Variants in CAMK4 observed in about 807,000 individuals in gnomAD.
CAMK4 encodes calcium/calmodulin dependent protein kinase IV, also known as calcium/calmodulin-dependent protein kinase type IV.
In CAMK4, 22 loss-of-function variants were observed where a neutral mutation model predicts 44.9. The observed-to-expected ratio is 0.49, with a 90% CI of 0.35 to 0.70. CAMK4 has a LOEUF of 0.70. Among genes scored for constraint, CAMK4 ranks in the 30% least tolerant of loss-of-function variants. The probability of loss-of-function intolerance (pLI) is 0.01; values close to 1 mark genes in which losing one functional copy is unlikely to be tolerated. For missense variants in CAMK4, 498 were observed against 586.8 expected, an observed-to-expected ratio of 0.85 and a Z score of 1.56; for synonymous variants, 218 against 215.4, an observed-to-expected ratio of 1.01 and a Z score of -0.11.
intron 5 of CAMK4, among the ~76,000 whole-genome samples, chr5:111,423,981 A>C (rs1471063234): frequency 2.0e-5 from 3 of 152,234 alleles, no homozygotes; most frequent in Non-Finnish European, 4.4e-5. Context: ...GAGGTTAAGT[A>C]ACTTTTCCAA....
intron 1 of CAMK4, among the ~76,000 whole-genome samples, chr5:111,341,747 A>T (rs1162571440): frequency 6.6e-6 from 1 of 151,246 alleles, no homozygotes; most frequent in Non-Finnish European, 1.5e-5. Context: ...AATTCATGAG[A>T]TAGGTACTGT....
intron 1 of CAMK4, among the ~76,000 whole-genome samples, chr5:111,320,951 A>C (rs1410165420): frequency 5.3e-5 from 8 of 152,188 alleles, no homozygotes; most frequent in African/African-American, 1.9e-4. Flanking sequence ...ATCATAGCAT[A>C]ATGACATTTC....
rs1295129480 is a variant in CAMK4, at chr5:111,324,481, G to T, written c.162-19543G>T. On this transcript the variant is annotated intron_variant, in intron 1 of 10. Transcript: ENST00000282356. ...TAAAAATGCATTGCCAGAAATGAAG[G>T]GGCATTTCATAATGATTTAACTAGT... is the stretch of plus-strand genomic sequence containing the variant. 2.0e-5 allele frequency among the ~76,000 whole-genome samples: 3 copies of T among 151,848 alleles called. No individual in the cohort carries two copies. The East Asian group carries it at 5.8e-4, about 29-fold the overall frequency.
At chr5:111,245,674 C>G (rs1470852693) in intron 1 of CAMK4, among the ~76,000 whole-genome samples, 1 of 152,186 alleles carries the variant, frequency 6.6e-6, no homozygotes, top group African/African-American at 2.4e-5. Flanking sequence ...TATTTTAAAC[C>G]TGTTAACTGT....
At chr5:111,483,961 G>A in intron 10 of CAMK4, 65 bp from the exon 11 acceptor site, 6 of 1,227,134 alleles carry the variant, frequency 4.9e-6, no homozygotes, top group East Asian at 2.5e-5. Flanking sequence ...GCAAAGCTGG[G>A]GTTGAGCTCT....
intron 1 of CAMK4, among the ~76,000 whole-genome samples, chr5:111,315,825 G>C (rs1162224671): frequency 6.6e-6 from 1 of 152,078 alleles, no homozygotes; most frequent in African/African-American, 2.4e-5. Flanking sequence ...AGCTTCTTCT[G>C]CTAGATAACT....
intron 1 of CAMK4, among the ~76,000 whole-genome samples, chr5:111,238,183 G>A (rs927732789): frequency 5.9e-5 from 9 of 152,054 alleles, no homozygotes; most frequent in Admixed American, 2.0e-4. Context: ...GCACTTCTCC[G>A]TCCCCTCCTG....
Position 111,310,715 on chromosome 5 carries a change from G to C in CAMK4, c.162-33309G>C, listed in dbSNP as rs192864470. 2.0e-3 allele frequency among the ~76,000 whole-genome samples: 301 copies of C among 152,266 alleles called. 1 individual carries two copies. Among genetic ancestry groups the C allele is most frequent in the African/African-American group, 6.8e-3 (284 of 41,552 alleles). On this transcript the variant is annotated intron_variant, in intron 1 of 10. Coordinates refer to ENST00000282356, the MANE Select transcript of CAMK4 (RefSeq NM_001744.6). ...AGCTTTAAGACTAAGGGTATGTTCTGAGCGATTCCCTTAAGGAAACTTCTA... is the reference window on the plus strand; with the variant it reads ...AGCTTTAAGACTAAGGGTATGTTCTCAGCGATTCCCTTAAGGAAACTTCTA...
chr5:111,365,996 A>G (rs1750780044), intron 2 of CAMK4, among the ~76,000 whole-genome samples: 1 of 152,156 alleles, frequency 6.6e-6, no homozygotes. Flanking sequence ...TTCACCAAGC[A>G]TGTTAGTGCC....
At chr5:111,227,094 G>A (rs931768659) in intron 1 of CAMK4, among the ~76,000 whole-genome samples, 1 of 152,100 alleles carries the variant, frequency 6.6e-6, no homozygotes, top group Non-Finnish European at 1.5e-5. Context: ...AGCATTCGTG[G>A]GGTGCATGCT....
intron 1 of CAMK4, among the ~76,000 whole-genome samples, chr5:111,256,019 G>A (rs1189270713): frequency 2.6e-5 from 4 of 152,104 alleles, no homozygotes; most frequent in Admixed American, 1.3e-4. Flanking sequence ...TATGTATTTT[G>A]ATATAGACTA....
chr5:111,400,392 G>A (rs572905849), intron 5 of CAMK4, among the ~76,000 whole-genome samples: 2 of 152,322 alleles, frequency 1.3e-5, no homozygotes, highest in East Asian at 3.9e-4. Context: ...GGACAGGTGG[G>A]AACTCAGAGT....
intron 1 of CAMK4, among the ~76,000 whole-genome samples, chr5:111,259,867 A>G (rs1179586819): frequency 2.0e-5 from 3 of 152,204 alleles, no homozygotes; most frequent in Non-Finnish European, 4.4e-5. Context: ...TGGGAGCAGA[A>G]AAATATAAAA....
At chr5:111,275,059 A>G (rs2112590696) in intron 1 of CAMK4, among the ~76,000 whole-genome samples, 1 of 152,252 alleles carries the variant, frequency 6.6e-6, no homozygotes, top group South Asian at 2.1e-4. Context: ...GTTATGATAC[A>G]TGTATACATT....
chr5:111,434,249 C>T (rs958274505), intron 5 of CAMK4, among the ~76,000 whole-genome samples: 2 of 149,502 alleles, frequency 1.3e-5, no homozygotes, highest in Non-Finnish European at 3.0e-5. Context: ...GCCAAGATCG[C>T]GCCACTGCAC....
At chr5:111,360,807 C>T (rs1186412432) in intron 2 of CAMK4, among the ~76,000 whole-genome samples, 2 of 151,984 alleles carry the variant, frequency 1.3e-5, no homozygotes, top group Non-Finnish European at 2.9e-5. Flanking sequence ...AAAATGCTAC[C>T]TCAGAAAATC....
chr5:111,309,297 T>A (rs886489129), intron 1 of CAMK4, among the ~76,000 whole-genome samples: 1 of 152,126 alleles, frequency 6.6e-6, no homozygotes, highest in African/African-American at 2.4e-5. Flanking sequence ...GAGGAAAACC[T>A]TTGACCTGGG....
In CAMK4 at chr5:111,492,743, G is replaced by A. The variant is rs1322086975; in HGVS notation, c.*8277G>A. ...TGAGAAACTATTATATGCCATGGAG[G>A]AGTCAAAGATGAATTAAATCCAATG... On this transcript the variant is annotated 3_prime_UTR_variant, in exon 11 of 11. Coordinates refer to ENST00000282356, the MANE Select transcript of CAMK4 (RefSeq NM_001744.6). 1 of 152,198 alleles carries A rather than the reference G, an allele frequency of 6.6e-6. No individual in the cohort carries two copies. Among genetic ancestry groups the A allele is most frequent in the East Asian group, 1.9e-4 (1 of 5,198 alleles). 9.4% of individuals were successfully genotyped at this position (152,198 alleles called of 1,614,324 possible).
At chr5:111,292,610 A>T (rs181434423) in intron 1 of CAMK4, among the ~76,000 whole-genome samples, 4 of 152,088 alleles carry the variant, frequency 2.6e-5, no homozygotes. Context: ...TTTTTTAATC[A>T]TGAATTTGGA....
Sources: allele counts gnomAD v4.1 joint callset (sites outside exome capture counted in the v4.1 genomes callset), GRCh38; gene constraint gnomAD v4.1.1; transcripts MANE v1.5; gene names NCBI Gene and HGNC (gene_info 2026-07-23, HGNC 2026-07-21).